ERCC6: variants seen among roughly 807,000 people sequenced by gnomAD.
ERCC6 encodes DNA excision repair protein ERCC-6.
A neutral mutation model predicts 158.7 loss-of-function variants in ERCC6; 116 were observed. That is an observed-to-expected ratio of 0.73 (90% CI 0.63 to 0.85). The LOEUF (loss-of-function observed/expected upper bound fraction) is 0.85. Ranked by LOEUF, ERCC6 falls within the 40% of genes least tolerant of loss-of-function variation. The pLI is 0.00. For missense variants in ERCC6, 1,698 were observed against 1,799.4 expected (o/e 0.94, Z 1.02); for synonymous variants, 678 against 659.3 (o/e 1.03, Z -0.43).
At chr10:49,511,011 C>CAA (rs753649748) in intron 5 of ERCC6, among the ~76,000 whole-genome samples, 1 of 118,458 alleles carries the variant, frequency 8.4e-6, no homozygotes, top group African/African-American at 3.1e-5. Context: ...AATCTTATAA[C>CAA]AAAAAAAAAA....
Position 49,505,946 on chromosome 10 carries a change from T to C in ERCC6, c.1464A>G (p.Glu488=). Residue 488 remains glutamate, a synonymous_variant, in exon 6 of 21, where the codon GAA becomes GAG. Coordinates refer to ENST00000355832, the MANE Select transcript of ERCC6 (RefSeq NM_000124.4). ...AACCTTCGTCAAATTCAGCATCACT[T>C]TCCTCAGAATCGTCCTCCAGCTTCA... The part of the protein sequence containing the change: ...KRLKLEDDSE[E]SDAEFDEGFK... 1 of 1,613,550 alleles carries C rather than the reference T, an allele frequency of 6.2e-7. No homozygotes were observed. The highest frequency in any genetic ancestry group is 1.1e-5 in the South Asian group (1 of 91,070).
Position 49,458,403 on chromosome 10 carries a change from C to T in ERCC6, c.*412G>A, listed in dbSNP as rs1850517801. 2 of 179,036 alleles carry T rather than the reference C, an allele frequency of 1.1e-5. No homozygotes were observed. Among genetic ancestry groups the T allele is most frequent in the Admixed American group, 1.1e-4 (2 of 18,260 alleles). 11.1% of individuals were successfully genotyped at this position (179,036 alleles called of 1,614,324 possible). A position where few individuals can be genotyped will look rare whatever the true frequency, so the allele number is the denominator to read the frequency against. On this transcript the variant is annotated 3_prime_UTR_variant, in exon 21 of 21. Transcript: ENST00000355832. ...AATGCTGTTATCAGATATTGATGAA[C>T]TTATTGAACAGGTCTGACTGAATGT...
chr10:49,464,109 T>G (rs988627857), intron 18 of ERCC6, among the ~76,000 whole-genome samples: 3 of 152,204 alleles, frequency 2.0e-5, no homozygotes, highest in South Asian at 4.1e-4. Flanking sequence ...TCCTAGAGAC[T>G]TCTTGAATAG....
Position 49,456,137 on chromosome 10 carries a change from C to G in ERCC6, c.*2678G>C, listed in dbSNP as rs1590393851. On this transcript the variant is annotated 3_prime_UTR_variant, in exon 21 of 21. Transcript: ENST00000355832. Reference sequence around the variant, plus strand: ...GCAAACTAATTGCTATAATAGACTTCAAAAGACAGTAGCTTAAGCAAGTCA... The same window carrying G: ...GCAAACTAATTGCTATAATAGACTTGAAAAGACAGTAGCTTAAGCAAGTCA... 1 of 152,276 alleles carries G rather than the reference C, an allele frequency of 6.6e-6. No individual in the cohort carries two copies. The highest frequency in any genetic ancestry group is 2.1e-4 in the South Asian group (1 of 4,818). 9.4% of individuals were successfully genotyped at this position (152,276 alleles called of 1,614,324 possible).
chr10:49,478,953 C>T (rs938364249), intron 10 of ERCC6, among the ~76,000 whole-genome samples: 1 of 152,124 alleles, frequency 6.6e-6, no homozygotes, highest in African/African-American at 2.4e-5. Flanking sequence ...ATGGAGCAGC[C>T]AGCCAATAAG....
rs1476331466 is a variant in ERCC6 at position 49,454,880 on chromosome 10, C to A, written c.*3935G>T. ...CAGAATGCAGAGCCAAGAAACATTT[C>A]CGTACATTATATGTAAATTGGTAAA... On this transcript the variant is annotated 3_prime_UTR_variant, in exon 21 of 21. Transcript: ENST00000355832. Among the ~76,000 whole-genome samples the A allele has an allele frequency of 6.6e-6, 1 of 152,104 alleles. No homozygotes were observed. The highest frequency in any genetic ancestry group is 2.4e-5 in the African/African-American group (1 of 41,414).
chr10:49,471,678 G>C (rs1293447612), intron 16 of ERCC6, among the ~76,000 whole-genome samples: 1 of 152,146 alleles, frequency 6.6e-6, no homozygotes, highest in African/African-American at 2.4e-5. Flanking sequence ...ATCTATAAAA[G>C]GAAGCTCTCT....
chr10:49,474,207 G>C lies in ERCC6; in HGVS notation c.2418C>G (p.Cys806Trp), dbSNP rs375810438. The change falls in exon 13 of 21, where the codon TGC (cysteine) becomes TGG (tryptophan). Residue 806 changes from cysteine to tryptophan, a missense_variant. Cys to Trp is a radical substitution (Grantham distance 215). Transcript: ENST00000355832. Reference sequence around the variant, plus strand: ...CTCCAGAAAAGAGATCAGGGTGGTTGCAAATTTTTCTTAGGGCTATAAGTC... The same window carrying C: ...CTCCAGAAAAGAGATCAGGGTGGTTCCAAATTTTTCTTAGGGCTATAAGTC... ...FSGLIALRKI[C>W]NHPDLFSGGP... The C allele has an allele frequency of 6.2e-7, 1 of 1,614,098 alleles. No homozygotes were observed. Among genetic ancestry groups the C allele is most frequent in the Non-Finnish European group, 8.5e-7 (1 of 1,180,006 alleles).
chr10:49,517,937 T>C (rs1469017871), intron 5 of ERCC6, among the ~76,000 whole-genome samples: 1 of 152,246 alleles, frequency 6.6e-6, no homozygotes, highest in Non-Finnish European at 1.5e-5. Context: ...CTCAAACTTT[T>C]ACTAAATTCA....
chr10:49,463,857 C>T (rs1251240914), intron 18 of ERCC6, among the ~76,000 whole-genome samples: 1 of 152,214 alleles, frequency 6.6e-6, no homozygotes, highest in Non-Finnish European at 1.5e-5. Context: ...GAGGCCTCCA[C>T]AGCCACACAG....
rs780684850 is a variant in ERCC6 at position 49,461,325 on chromosome 10, C to A, written c.3983+27G>T. 1.9e-6 allele frequency: 3 copies of A among 1,607,426 alleles called. No homozygotes were observed. In the South Asian group the frequency reaches 3.3e-5, roughly 18 times the overall value. On this transcript the variant is annotated intron_variant, in intron 19 of 20. Transcript: ENST00000355832. Reference sequence around the variant, plus strand: ...TAGCCTTAGTTGTTTGGACTCCTTGCAAGTATGGCATGCAGCAATCTCTTA... The same window carrying A: ...TAGCCTTAGTTGTTTGGACTCCTTGAAAGTATGGCATGCAGCAATCTCTTA...
At chr10:49,516,221 C>G in intron 5 of ERCC6, 1 of 1,614,122 alleles carries the variant, frequency 6.2e-7, no homozygotes, top group Non-Finnish European at 8.5e-7. Flanking sequence ...TGGCACCACA[C>G]CAAAACTTAT....
downstream of ERCC6, among the ~76,000 whole-genome samples, chr10:49,449,597 C>G: frequency 9.3e-6 from 1 of 107,504 alleles, no homozygotes; most frequent in Non-Finnish European, 1.7e-5. Context: ...GAGACAGAGT[C>G]TCACTCTGTC....
chr10:49,477,410 T>C (rs893245949), intron 11 of ERCC6, among the ~76,000 whole-genome samples: 26 of 152,068 alleles, frequency 1.7e-4, no homozygotes, highest in African/African-American at 6.0e-4. Context: ...AAGTGGAAGA[T>C]GGGGGCATTC....
chr10:49,518,560 C>T (rs1293311188), intron 5 of ERCC6, among the ~76,000 whole-genome samples: 2 of 152,186 alleles, frequency 1.3e-5, no homozygotes, highest in Non-Finnish European at 2.9e-5. Context: ...GCACCACTCC[C>T]GCCCCTGCCC....
At chr10:49,474,702 T>A (rs1281718354) in intron 12 of ERCC6, among the ~76,000 whole-genome samples, 1 of 152,166 alleles carries the variant, frequency 6.6e-6, no homozygotes, top group East Asian at 1.9e-4. Context: ...CAGTTTAATA[T>A]GAGTCAGAGG....
intron 1 of ERCC6, among the ~76,000 whole-genome samples, chr10:49,538,473 G>C (rs1238207436): frequency 2.0e-5 from 3 of 152,170 alleles, no homozygotes; most frequent in East Asian, 3.9e-4. Flanking sequence ...AGAAAAGCGA[G>C]GGCTGCCTGT....
At chr10:49,490,431 T>C (rs146106620) in intron 8 of ERCC6, among the ~76,000 whole-genome samples, 7 of 150,382 alleles carry the variant, frequency 4.7e-5, no homozygotes, top group African/African-American at 1.7e-4. Flanking sequence ...CCAGGCTCAC[T>C]GCAACCTCCG....
chr10:49,477,913 A>G (rs1459759123), intron 11 of ERCC6, among the ~76,000 whole-genome samples: 1 of 151,850 alleles, frequency 6.6e-6, no homozygotes, highest in Non-Finnish European at 1.5e-5. Context: ...TTATCCTTCA[A>G]CCCTGCTTCA....
Sources: gnomAD v4.1 joint callset for allele counts (sites outside exome capture counted in the v4.1 genomes callset) on GRCh38, gnomAD v4.1.1 for gene constraint, MANE v1.5 for transcripts, NCBI Gene and HGNC (gene_info 2026-07-23, HGNC 2026-07-21) for gene names.